Variants in OAT observed in about 807,000 individuals in gnomAD.
OAT encodes the protein ornithine aminotransferase, mitochondrial.
In OAT, 35 loss-of-function variants were observed where a neutral mutation model predicts 48.4. That is an observed-to-expected ratio of 0.72 (90% CI 0.55 to 0.96). The LOEUF is 0.96. Ranked by LOEUF, OAT falls within the 40% of genes least tolerant of loss-of-function variation. The pLI, the probability that OAT is intolerant of heterozygous loss-of-function variation, is 0.00. For synonymous variants in OAT, 182 were observed against 198.4 expected, an observed-to-expected ratio of 0.92 and a Z score of 0.70; for missense variants, 438 against 537.9, an observed-to-expected ratio of 0.81 and a Z score of 1.84.
Position 124,400,989 on chromosome 10 carries a change from GT to G in OAT, c.1015-6del. 6.2e-7 allele frequency: 1 copy of G among 1,605,068 alleles called. No homozygotes were observed. Among genetic ancestry groups the G allele is most frequent in the Non-Finnish European group, 8.5e-7 (1 of 1,173,494 alleles). On this transcript the variant is annotated splice_polypyrimidine_tract_variant and splice_region_variant and intron_variant, in intron 8 of 9. Transcript: ENST00000368845. Reference sequence around the variant, plus strand: ...AAGGTTTTCTTCTTCTAAAACCTACGTTTAAAGAAAAATTATACAAATATTA... The same window carrying G: ...AAGGTTTTCTTCTTCTAAAACCTACGTTAAAGAAAAATTATACAAATATTA...
chr10:124,403,030 T>G lies in OAT; in HGVS notation c.797A>C (p.Gln266Pro). ...HQVLFIADEIQTGLARTGRWL... is the reference protein window; with the variant it reads ...HQVLFIADEIPTGLARTGRWL... ...TCTACCAGTTCTGGCCAATCCTGTC[T>G]GTATTTCATCAGCAATAAAGAGAAC... is the stretch of plus-strand genomic sequence containing the variant. The change falls in exon 7 of 10, where the codon CAG becomes CCG. Residue 266 changes from glutamine (Q) to proline (P), a missense_variant. Gln to Pro is a moderately conservative substitution (Grantham distance 76, BLOSUM62 -1). Coordinates refer to ENST00000368845, the MANE Select transcript of OAT (RefSeq NM_000274.4). 6.2e-7 allele frequency: 1 copy of G among 1,614,178 alleles called. No individual in the cohort carries two copies. The highest frequency in any genetic ancestry group is 8.5e-7 in the Non-Finnish European group (1 of 1,180,020).
intron 1 of OAT, among the ~76,000 whole-genome samples, chr10:124,413,678 G>A (rs12244628): frequency 0.085 from 12,923 of 152,136 alleles, 593 homozygotes; most frequent in African/African-American, 0.09. Flanking sequence ...GTGAAACTCC[G>A]TCTCAAAAAA....
At chr10:124,408,506 T>C in intron 4 of OAT, 36 bp downstream of exon 4, 2 of 1,541,532 alleles carry the variant, frequency 1.3e-6, no homozygotes, top group Non-Finnish European at 1.8e-6. Context: ...ATATTGTATG[T>C]TTCAATCATA....
intron 8 of OAT, among the ~76,000 whole-genome samples, chr10:124,401,466 T>A (rs952346721): frequency 5.9e-5 from 9 of 152,242 alleles, no homozygotes; most frequent in African/African-American, 2.2e-4. Context: ...GAGAGTTCTA[T>A]GAGGGCCAGC....
rs369806549 is a variant in OAT, at chr10:124,405,478, C to T, written c.606G>A (p.Pro202=). The T allele has an allele frequency of 6.2e-6, 10 of 1,613,986 alleles. No homozygotes were observed. Among genetic ancestry groups the T allele is most frequent in the South Asian group, 2.2e-5 (2 of 91,082 alleles). ...TSYDGFGPFM[P]GFDIIPYNDL... is the part of the protein sequence containing the mutation. Reference sequence around the variant, plus strand: ...CATTATAGGGAATGATGTCGAATCCCGGCATAAATGGTCCAAAACCATCGT... The same window carrying T: ...CATTATAGGGAATGATGTCGAATCCTGGCATAAATGGTCCAAAACCATCGT... Residue 202 remains proline (P), a synonymous_variant, in exon 5 of 10, where the codon CCG becomes CCA. Coordinates refer to ENST00000368845, the MANE Select transcript of OAT (RefSeq NM_000274.4).
intron 5 of OAT, 145 bp downstream of exon 5, chr10:124,405,291 G>A (rs1951539635): frequency 4.6e-5 from 54 of 1,177,332 alleles, no homozygotes; most frequent in Middle Eastern, 2.9e-4. Flanking sequence ...CTAATTGATC[G>A]CTACTGAGAA....
At chr10:124,401,618 A>C (rs1951410616) in intron 8 of OAT, 108 bp downstream of exon 8, 1 of 767,098 alleles carries the variant, frequency 1.3e-6, no homozygotes, top group Non-Finnish European at 2.3e-6. Flanking sequence ...ATGTTTTCTA[A>C]TATTTGGCAT....
intron 9 of OAT, among the ~76,000 whole-genome samples, chr10:124,399,074 A>G (rs1453630262): frequency 6.6e-6 from 1 of 151,934 alleles, no homozygotes. Flanking sequence ...CTAAAAAAGA[A>G]AAAAAAGAAC....
rs575839041 is a variant in OAT at position 124,408,585 on chromosome 10, G to A, written c.477C>T (p.Thr159=). 2.6e-5 allele frequency: 42 copies of A among 1,612,324 alleles called. No individual in the cohort carries two copies. Among genetic ancestry groups the A allele is most frequent in the African/African-American group, 4.0e-5 (3 of 74,808 alleles). The change falls in exon 4 of 10, where the codon ACC becomes ACT. Residue 159 remains threonine (T), a synonymous_variant. Transcript: ENST00000368845. ...ACKLARKWGY[T]VKGIQKYKAK... Reference sequence around the variant, plus strand: ...CTTTGTATTTCTGAATGCCCTTCACGGTATAGCCCCACTTACGAGCTAGTT... The same window carrying A: ...CTTTGTATTTCTGAATGCCCTTCACAGTATAGCCCCACTTACGAGCTAGTT...
At chr10:124,411,008 C>T (rs940317660) in intron 2 of OAT, among the ~76,000 whole-genome samples, 6 of 150,984 alleles carry the variant, frequency 4.0e-5, no homozygotes, top group African/African-American at 7.3e-5. Flanking sequence ...GACGTGGTGG[C>T]GTGGGCCTGT....
At chr10:124,405,677 T>G in intron 4 of OAT, 114 bp from the exon 5 acceptor site, 1 of 1,545,302 alleles carries the variant, frequency 6.5e-7, no homozygotes, top group Non-Finnish European at 8.7e-7. Context: ...AGGGCTTGCT[T>G]TAGTGCACCT....
At chr10:124,408,473 A>T in intron 4 of OAT, 69 bp downstream of exon 4, 2 of 1,363,780 alleles carry the variant, frequency 1.5e-6, no homozygotes, top group Non-Finnish European at 2.1e-6. Flanking sequence ...GGCATGAGCC[A>T]CCATGCCTGG....
chr10:124,400,419 G>A (rs1293307489), intron 9 of OAT, among the ~76,000 whole-genome samples: 1 of 146,086 alleles, frequency 6.8e-6, no homozygotes, highest in Non-Finnish European at 1.5e-5. Context: ...TTGCACTCCA[G>A]CCTGGCAACA....
At chr10:124,402,120 G>A (rs966280368) in intron 7 of OAT, among the ~76,000 whole-genome samples, 8 of 151,964 alleles carry the variant, frequency 5.3e-5, no homozygotes, top group Admixed American at 1.3e-4. Flanking sequence ...GGCTGGTCTC[G>A]AACTCATGAC....
chr10:124,412,179 T>C lies in OAT; in HGVS notation c.-8A>G. 6.2e-7 allele frequency: 1 copy of C among 1,612,616 alleles called. No homozygotes were observed. Among genetic ancestry groups the C allele is most frequent in the Non-Finnish European group, 8.5e-7 (1 of 1,179,552 alleles). ...TGCTAGTTTGGAAAACATTGTGTCC[T>C]TCAAGTAGAAAAACCACAGATCTGT... On this transcript the variant is annotated 5_prime_UTR_variant, in exon 2 of 10. Coordinates refer to ENST00000368845, the MANE Select transcript of OAT (RefSeq NM_000274.4).
intron 9 of OAT, 128 bp downstream of exon 9, chr10:124,400,712 G>A (rs989893200): frequency 1.3e-5 from 9 of 690,150 alleles, no homozygotes; most frequent in East Asian, 6.3e-5. Flanking sequence ...ATTGCGCCAC[G>A]GCACTGCAGC....
chr10:124,407,284 G>A (rs1951610288), intron 4 of OAT: 1 of 985,434 alleles, frequency 1.0e-6, no homozygotes, highest in Non-Finnish European at 1.2e-6. Flanking sequence ...CACTTACCCT[G>A]CAGGTATAAG....
rs762294532 is a variant in OAT at position 124,397,978 on chromosome 10, G to A, written c.1284C>T (p.Ser428=). The change falls in exon 10 of 10, where the codon TCC becomes TCT. Residue 428 remains serine, a synonymous_variant. Transcript: ENST00000368845. ...LVIKEDELRE[S]IEIINKTILS... is the part of the protein sequence containing the mutation. ...AGATGGTCTTGTTAATAATTTCAAT[G>A]GACTCTCGAAGCTCATCCTCCTTGA... 1.2e-6 allele frequency: 2 copies of A among 1,613,868 alleles called. No individual in the cohort carries two copies. Among genetic ancestry groups the A allele is most frequent in the East Asian group, 2.2e-5 (1 of 44,878 alleles).
At chr10:124,403,942 G>T in intron 5 of OAT, 22 bp from the exon 6 acceptor site, 1 of 1,613,744 alleles carries the variant, frequency 6.2e-7, no homozygotes. Flanking sequence ...ACAGGAATAA[G>T]TTTTAATAAC....
Sources: allele counts gnomAD v4.1 joint callset (sites outside exome capture counted in the v4.1 genomes callset), GRCh38; gene constraint gnomAD v4.1.1; transcripts MANE v1.5; gene names NCBI Gene and HGNC (gene_info 2026-07-23, HGNC 2026-07-21).